Variants in PELI1 observed in about 807,000 individuals in gnomAD.
PELI1 encodes E3 ubiquitin-protein ligase pellino homolog 1.
Under a neutral mutation model 41.3 loss-of-function variants are expected in PELI1, and 15 were observed. The observed-to-expected ratio is 0.36, with a 90% CI of 0.24 to 0.56. The LOEUF is 0.56. Among genes scored for constraint, PELI1 ranks in the 20% least tolerant of loss-of-function variants. PELI1 has a pLI of 0.82. For synonymous variants in PELI1, 178 were observed against 180.1 expected, an observed-to-expected ratio of 0.99 and a Z score of 0.09; for missense variants, 403 against 525.5, an observed-to-expected ratio of 0.77 and a Z score of 2.28.
chr2:64,124,440 T>C (rs1254767395), intron 1 of PELI1, among the ~76,000 whole-genome samples: 3 of 152,210 alleles, frequency 2.0e-5, no homozygotes, highest in Admixed American at 6.5e-5. Context: ...ACCGATCTTA[T>C]GCAACTTTAT....
At chr2:64,115,085 G>C (rs906532005) in intron 1 of PELI1, among the ~76,000 whole-genome samples, 1 of 152,206 alleles carries the variant, frequency 6.6e-6, no homozygotes, top group Non-Finnish European at 1.5e-5. Flanking sequence ...TAGGGGCTGA[G>C]AGTGAGAATG....
In PELI1 at chr2:64,095,071, C is replaced by T. The variant is rs866829450; in HGVS notation, c.888G>A (p.Arg296=). Residue 296 remains arginine (R), a synonymous_variant, in exon 7 of 7, where the codon AGG becomes AGA. Transcript: ENST00000358912. Reference sequence around the variant, plus strand: ...GTTGTTTTTCATCTACAACGTCTTTCCTCTTCATACTAGGAAATGCTAGTG... The same window carrying T: ...GTTGTTTTTCATCTACAACGTCTTTTCTCTTCATACTAGGAAATGCTAGTG... The part of the protein sequence containing the change: ...FNTLAFPSMK[R]KDVVDEKQPW... 2.5e-6 allele frequency: 4 copies of T among 1,614,190 alleles called. No individual in the cohort carries two copies. Among genetic ancestry groups the T allele is most frequent in the Non-Finnish European group, 3.4e-6 (4 of 1,180,010 alleles).
chr2:64,108,102 G>A (rs1680682001), intron 2 of PELI1, 138 bp downstream of exon 2: 1 of 593,782 alleles, frequency 1.7e-6, no homozygotes. Flanking sequence ...TCTTGATTTG[G>A]TAACATTACC....
At position 64,136,148 on chromosome 2, in the gene PELI1, G is replaced by T. The variant is rs114502787; in HGVS notation, c.-70+7933C>A. Among the ~76,000 whole-genome samples the T allele has an allele frequency of 2.0e-3, 307 of 151,886 alleles. 3 individuals are homozygous for T. Among genetic ancestry groups the T allele is most frequent in the Non-Finnish European group, 1.8e-3 (125 of 67,960 alleles). On this transcript the variant is annotated intron_variant, in intron 1 of 6. Coordinates refer to ENST00000358912, the MANE Select transcript of PELI1 (RefSeq NM_020651.4). ...CTAAAATAAGTTACACTTCAGTATG[G>T]TCATCATCATAGAAGTTCAAAGATC...
At chr2:64,133,637 T>C (rs72893152) in intron 1 of PELI1, among the ~76,000 whole-genome samples, 3,474 of 152,130 alleles carry the variant, frequency 0.023, 113 homozygotes, top group African/African-American at 0.077. Context: ...AAATGAAATA[T>C]ATAAGGTCAC....
chr2:64,135,351 T>C (rs1476848747), intron 1 of PELI1, among the ~76,000 whole-genome samples: 1 of 150,726 alleles, frequency 6.6e-6, no homozygotes, highest in African/African-American at 2.4e-5. Context: ...TATCTCTTAG[T>C]GTCTGATGAG....
Position 64,110,814 on chromosome 2 carries a change from C to T in PELI1, c.-69-2435G>A, listed in dbSNP as rs561660615. ...TGGTGGCACGTGCCTGTAGTCCTAG[C>T]TACTCGGGAGGCTGAGGCAGGAGGA... is the stretch of plus-strand genomic sequence containing the variant. On this transcript the variant is annotated intron_variant, in intron 1 of 6. Transcript: ENST00000358912. Among the ~76,000 whole-genome samples, 3 of 152,156 alleles carry T rather than the reference C, an allele frequency of 2.0e-5. No homozygotes were observed. In the South Asian group the frequency reaches 6.2e-4, roughly 32 times the overall value.
intron 1 of PELI1, chr2:64,143,614 T>C (rs1451202860): frequency 6.6e-6 from 1 of 152,170 alleles, no homozygotes; most frequent in Non-Finnish European, 1.5e-5. Context: ...CGCGCAGAGA[T>C]GATGACAACA....
chr2:64,096,359 T>G lies in PELI1; in HGVS notation c.502-46A>C, dbSNP rs563085148. Reference sequence around the variant, plus strand: ...GAGCTTCCAACTTGTAACTTGTAACTTGGAATGAAAGCTAGTATAAAAGAA... The same window carrying G: ...GAGCTTCCAACTTGTAACTTGTAACGTGGAATGAAAGCTAGTATAAAAGAA... On this transcript the variant is annotated intron_variant, in intron 5 of 6. Transcript: ENST00000358912. 137 of 1,600,082 alleles carry G rather than the reference T, an allele frequency of 8.6e-5. 2 individuals carry two copies. In the South Asian group the frequency reaches 1.5e-3, roughly 17 times the overall value.
At chr2:64,126,207 A>G (rs1184986268) in intron 1 of PELI1, among the ~76,000 whole-genome samples, 4 of 152,150 alleles carry the variant, frequency 2.6e-5, no homozygotes, top group Non-Finnish European at 4.4e-5. Context: ...CTCTGTTGCC[A>G]GGCTGGAGTG....
chr2:64,114,226 T>G (rs542656591), intron 1 of PELI1, among the ~76,000 whole-genome samples: 1 of 152,324 alleles, frequency 6.6e-6, no homozygotes, highest in East Asian at 1.9e-4. Context: ...GTGGCTGATT[T>G]CAAAAGGATG....
At position 64,094,938 on chromosome 2, in the gene PELI1, G is replaced by A. The variant is rs1215474532; in HGVS notation, c.1021C>T (p.Pro341Ser). Residue 341 changes from proline (P) to serine (S), a missense_variant, in exon 7 of 7, where the codon CCC becomes TCC. By Grantham distance (74) the Pro-to-Ser change is moderately conservative. Coordinates refer to ENST00000358912, the MANE Select transcript of PELI1 (RefSeq NM_020651.4). The stretch of plus-strand genomic sequence containing the variant: ...CATCCAAGCCACAGAGGAACATAGG[G>A]ACCAACAGACCTACACATAGGACAT... ...RECPMCRSVG[P>S]YVPLWLGCEA... 6.2e-7 allele frequency: 1 copy of A among 1,612,416 alleles called. No homozygotes were observed. Among genetic ancestry groups the A allele is most frequent in the East Asian group, 2.2e-5 (1 of 44,746 alleles).
chr2:64,105,223 T>C (rs1680581261), intron 2 of PELI1, among the ~76,000 whole-genome samples: 1 of 152,226 alleles, frequency 6.6e-6, no homozygotes, highest in East Asian at 1.9e-4. Flanking sequence ...CAGTATGTAT[T>C]GTTTAAAACA....
chr2:64,106,185 G>A (rs1043703197), intron 2 of PELI1: 3 of 152,192 alleles, frequency 2.0e-5, no homozygotes, highest in African/African-American at 7.2e-5. Flanking sequence ...ACTGTCCTCT[G>A]AGTTGCATGA....
intron 1 of PELI1, among the ~76,000 whole-genome samples, chr2:64,120,223 T>C (rs1001787322): frequency 3.3e-5 from 5 of 152,238 alleles, no homozygotes; most frequent in Non-Finnish European, 5.9e-5. Flanking sequence ...TGTTCTCAGA[T>C]TATCCCACTT....
intron 1 of PELI1, among the ~76,000 whole-genome samples, chr2:64,115,492 T>C (rs11679748): frequency 0.25 from 38,020 of 151,992 alleles, 5,814 homozygotes; most frequent in East Asian, 0.74. Flanking sequence ...GTGAATTGGG[T>C]AGGAAAGTCT....
At chr2:64,122,941 T>C (rs145717398) in intron 1 of PELI1, among the ~76,000 whole-genome samples, 320 of 152,254 alleles carry the variant, frequency 2.1e-3, no homozygotes, top group African/African-American at 7.3e-3. Context: ...ATGAGAAAAA[T>C]CTATATTCAG....
At chr2:64,114,180 G>A (rs1270357767) in intron 1 of PELI1, among the ~76,000 whole-genome samples, 1 of 152,140 alleles carries the variant, frequency 6.6e-6, no homozygotes, top group African/African-American at 2.4e-5. Flanking sequence ...TATTATCTCA[G>A]ATAAAACAGA....
At chr2:64,141,348 T>C (rs536645003) in intron 1 of PELI1, among the ~76,000 whole-genome samples, 72 of 125,566 alleles carry the variant, frequency 5.7e-4, no homozygotes, top group African/African-American at 2.2e-3. Flanking sequence ...AGTGCCATCA[T>C]ATATTAGTCA....
Sources: allele counts gnomAD v4.1 joint callset (sites outside exome capture counted in the v4.1 genomes callset), GRCh38; gene constraint gnomAD v4.1.1; transcripts MANE v1.5; gene names NCBI Gene and HGNC (gene_info 2026-07-23, HGNC 2026-07-21).